Variants in CSMD1 observed in about 807,000 individuals in gnomAD.
CSMD1 encodes the protein CUB and Sushi multiple domains 1.
In CSMD1, 213 loss-of-function variants were observed where a neutral mutation model predicts 417.5. The ratio of observed to expected loss-of-function variants is 0.51; its 90% CI spans 0.46 to 0.57. The LOEUF (loss-of-function observed/expected upper bound fraction) is 0.57. CSMD1 is among the 20% of genes least tolerant of loss of function. CSMD1 has a pLI of 0.00. For synonymous variants in CSMD1, 2,862 were observed against 1,736.8 expected (o/e 1.65, Z -16.11); for missense variants, 6,923 against 4,529.7 (o/e 1.53, Z -15.17).
chr8:4,950,704 A>G (rs577101859), intron 1 of CSMD1, among the ~76,000 whole-genome samples: 15 of 152,310 alleles, frequency 9.8e-5, no homozygotes, highest in Admixed American at 3.9e-4. Context: ...CATTGGCAAT[A>G]AAAAGAGTTG....
chr8:3,979,214 T>G (rs1813667084), intron 5 of CSMD1, among the ~76,000 whole-genome samples: 1 of 152,194 alleles, frequency 6.6e-6, no homozygotes, highest in African/African-American at 2.4e-5. Context: ...ATCTCAATAA[T>G]GTATAGGAAG....
chr8:4,688,874 T>G lies in CSMD1; in HGVS notation c.86-51316A>C, dbSNP rs184557871. Among the ~76,000 whole-genome samples, 73 of 152,298 alleles carry G rather than the reference T, an allele frequency of 4.8e-4. 1 individual carries two copies. The East Asian group carries it at 0.014, about 29-fold the overall frequency. On this transcript the variant is annotated intron_variant, in intron 1 of 69. Transcript: ENST00000635120. ...CAGGGGAAATGAAGATTGACATAAATTCTATAACTCACGTCAGTGTGCTAA... is the reference window on the plus strand; with the variant it reads ...CAGGGGAAATGAAGATTGACATAAAGTCTATAACTCACGTCAGTGTGCTAA...
chr8:4,861,679 C>A (rs952573325), intron 1 of CSMD1, among the ~76,000 whole-genome samples: 3 of 152,044 alleles, frequency 2.0e-5, no homozygotes, highest in Non-Finnish European at 1.5e-5. Flanking sequence ...CACATAACAA[C>A]ACAGTGATCT....
At chr8:4,237,505 A>C (rs1802138491) in intron 3 of CSMD1, among the ~76,000 whole-genome samples, 1 of 151,664 alleles carries the variant, frequency 6.6e-6, no homozygotes, top group Non-Finnish European at 1.5e-5. Flanking sequence ...TTCACTCTTG[A>C]ACATGATGCT....
Position 3,932,229 on chromosome 8 carries a change from G to A in CSMD1, c.818+65674C>T, listed in dbSNP as rs192939905. Among the ~76,000 whole-genome samples the A allele has an allele frequency of 1.3e-4, 19 of 150,548 alleles. 1 individual carries two copies. The East Asian group carries it at 1.9e-3, about 15-fold the overall frequency. ...GTCCCATATCATGTTACTGAAAAGG[G>A]TCAAACTTAAGAGCAGGAAAATCGA... On this transcript the variant is annotated intron_variant, in intron 5 of 69. Transcript: ENST00000635120.
intron 2 of CSMD1, among the ~76,000 whole-genome samples, chr8:4,563,127 C>A (rs1798423882): frequency 2.6e-5 from 4 of 152,150 alleles, no homozygotes; most frequent in Admixed American, 2.6e-4. Flanking sequence ...ATGGGCCGGG[C>A]ACAGTGACTC....
chr8:3,409,385 A>C (rs1379988162), intron 13 of CSMD1, 38 bp downstream of exon 13: 1 of 1,540,508 alleles, frequency 6.5e-7, no homozygotes, highest in Non-Finnish European at 8.8e-7. Context: ...AGATCCTTGC[A>C]GGACAGGAGG....
chr8:3,889,621 C>A (rs1246074076), intron 5 of CSMD1, among the ~76,000 whole-genome samples: 1 of 150,638 alleles, frequency 6.6e-6, no homozygotes, highest in African/African-American at 2.4e-5. Flanking sequence ...ACTCAGCTGA[C>A]AGTGTGAAGA....
At chr8:3,633,340 T>G (rs1352212554) in intron 7 of CSMD1, among the ~76,000 whole-genome samples, 1 of 152,232 alleles carries the variant, frequency 6.6e-6, no homozygotes, top group East Asian at 1.9e-4. Context: ...AGGTGCACTG[T>G]GTCAAAGGTG....
At position 4,109,373 on chromosome 8, in the gene CSMD1, G is replaced by C. The variant is rs79732120; in HGVS notation, c.416-77274C>G. Among the ~76,000 whole-genome samples, 651 of 152,032 alleles carry C rather than the reference G, an allele frequency of 4.3e-3. 11 individuals are homozygous for C. The highest frequency in any genetic ancestry group is 0.015 in the African/African-American group (623 of 41,482). ...AAAATCTTATTTCATAGATTTACTG[G>C]GCATATAATATAGTGACCTAGCAAA... is the stretch of plus-strand genomic sequence containing the variant. On this transcript the variant is annotated intron_variant, in intron 3 of 69. Coordinates refer to ENST00000635120, the MANE Select transcript of CSMD1 (RefSeq NM_033225.6).
intron 1 of CSMD1, among the ~76,000 whole-genome samples, chr8:4,703,434 T>C (rs572533894): frequency 3.3e-5 from 5 of 152,342 alleles, no homozygotes; most frequent in African/African-American, 7.2e-5. Flanking sequence ...ACTTAGAACA[T>C]GCATGAATAG....
intron 26 of CSMD1, among the ~76,000 whole-genome samples, chr8:3,277,629 G>C (rs571412687): frequency 2.0e-5 from 3 of 152,144 alleles, no homozygotes; most frequent in Non-Finnish European, 4.4e-5. Flanking sequence ...GATGTCAAGG[G>C]GCCCAGGATT....
At chr8:4,793,956 C>T (rs1386581673) in intron 1 of CSMD1, among the ~76,000 whole-genome samples, 1 of 152,004 alleles carries the variant, frequency 6.6e-6, no homozygotes, top group South Asian at 2.1e-4. Flanking sequence ...ACTGGCACTT[C>T]TGTTAGGAAT....
At chr8:4,200,257 G>C (rs1360329636) in intron 3 of CSMD1, among the ~76,000 whole-genome samples, 1 of 152,056 alleles carries the variant, frequency 6.6e-6, no homozygotes, top group African/African-American at 2.4e-5. Flanking sequence ...TCAATACACT[G>C]ATGATAATTA....
In CSMD1 at chr8:3,950,956, G is replaced by A. The variant is rs765368779; in HGVS notation, c.818+46947C>T. ...CCCTGAACAGACAAGAAGAAAAAAC[G>A]ATTCTTTTCATCACATAACAGTTAC... On this transcript the variant is annotated intron_variant, in intron 5 of 69. Transcript: ENST00000635120. Among the ~76,000 whole-genome samples the A allele has an allele frequency of 3.9e-5, 6 of 152,180 alleles. No individual in the cohort carries two copies. The East Asian group carries it at 9.7e-4, about 25-fold the overall frequency.
intron 23 of CSMD1, among the ~76,000 whole-genome samples, chr8:3,317,612 T>G (rs1053880149): frequency 1.3e-5 from 2 of 152,206 alleles, no homozygotes; most frequent in African/African-American, 4.8e-5. Flanking sequence ...AATAGGAACT[T>G]CTGTGTGATT....
chr8:4,989,798 G>C (rs13265122), intron 1 of CSMD1, among the ~76,000 whole-genome samples: 35,202 of 152,130 alleles, frequency 0.23, 5,167 homozygotes, highest in Non-Finnish European at 0.33. Context: ...TTGCTGTATC[G>C]TCTGCTTATA....
At chr8:4,815,931 A>G (rs1333805048) in intron 1 of CSMD1, among the ~76,000 whole-genome samples, 1 of 152,134 alleles carries the variant, frequency 6.6e-6, no homozygotes, top group African/African-American at 2.4e-5. Flanking sequence ...ATTTTAAACC[A>G]GATCTGGAAA....
At chr8:4,119,950 T>A (rs1178486092) in intron 3 of CSMD1, among the ~76,000 whole-genome samples, 2 of 3,944 alleles carry the variant, frequency 5.1e-4, no homozygotes, top group East Asian at 0.077. Context: ...TTAATAGGTA[T>A]CAAAAAAATT....
Sources: gnomAD v4.1 joint callset for allele counts (sites outside exome capture counted in the v4.1 genomes callset) on GRCh38, gnomAD v4.1.1 for gene constraint, MANE v1.5 for transcripts, NCBI Gene and HGNC (gene_info 2026-07-23, HGNC 2026-07-21) for gene names.